SRPRA: variants seen among roughly 807,000 people sequenced by gnomAD.
SRPRA encodes signal recognition particle receptor subunit alpha.
Under a neutral mutation model 61.1 loss-of-function variants are expected in SRPRA, and 30 were observed. The observed-to-expected ratio is 0.49, with a 90% CI of 0.37 to 0.67. The LOEUF (loss-of-function observed/expected upper bound fraction) is 0.67. Ranked by LOEUF, SRPRA falls within the 30% of genes least tolerant of loss-of-function variation. The pLI is 0.00. For synonymous variants in SRPRA, 324 were observed against 299.7 expected, an observed-to-expected ratio of 1.08 and a Z score of -0.84; for missense variants, 759 against 828.4, an observed-to-expected ratio of 0.92 and a Z score of 1.03.
Position 126,266,764 on chromosome 11 carries a change from T to TG in SRPRA, c.684dup (p.Asn229GlnfsTer27). 1.2e-6 allele frequency: 2 copies of TG among 1,614,046 alleles called. No homozygotes were observed. Among genetic ancestry groups the TG allele is most frequent in the Non-Finnish European group, 1.7e-6 (2 of 1,179,954 alleles). On this transcript the variant is annotated frameshift_variant and splice_region_variant, in exon 5 of 14. Transcript: ENST00000332118. LOFTEE classifies it high-confidence loss of function. ...GAGTACTGGAGAAAGAGTGCTCACT[T>TG]GGACTTCTCCATACCCCTCCCATGC...
the SRPRA span, among the ~76,000 whole-genome samples, chr11:126,252,120 G>A: frequency 3.3e-5 from 5 of 152,016 alleles, no homozygotes; most frequent in Non-Finnish European, 7.3e-5. The surrounding 1 kb of genome is among the most constrained non-coding windows in gnomAD (Gnocchi z 4.7). Context: ...CCGAATAGCT[G>A]GGATTACAGG....
chr11:126,266,562 C>T lies in SRPRA; in HGVS notation c.754G>A (p.Gly252Ser). ...KKAPRVWELG[G>S]CANKEVLDYS... ...TCCAACACTTCTTTGTTAGCACAGC[C>T]ACCCAGTTCCCACACCCGGGGTGCT... The change falls in exon 6 of 14, where the codon GGC (glycine) becomes AGC (serine). Residue 252 changes from glycine (G) to serine (S), a missense_variant. Gly to Ser is a moderately conservative substitution (Grantham distance 56, BLOSUM62 0). Around this residue, in one of 2 missense-constraint regions of SRPRA, gnomAD observed 475 missense variants for 462.5 expected, o/e 1.03. Coordinates refer to ENST00000332118, the MANE Select transcript of SRPRA (RefSeq NM_003139.4). The T allele has an allele frequency of 2.5e-6, 4 of 1,614,182 alleles. No homozygotes were observed. Among genetic ancestry groups the T allele is most frequent in the Non-Finnish European group, 3.4e-6 (4 of 1,180,044 alleles).
At chr11:126,244,200 C>T in the SRPRA span, among the ~76,000 whole-genome samples, 1 of 152,114 alleles carries the variant, frequency 6.6e-6, no homozygotes, top group South Asian at 2.1e-4. The surrounding 1 kb of genome is among the most constrained non-coding windows in gnomAD (Gnocchi z 4.5). Context: ...GGCTGTTTTC[C>T]CACTCCACTC....
Position 126,268,849 on chromosome 11 carries a change from C to A in SRPRA, c.-45G>T. 1 of 1,491,100 alleles carries A rather than the reference C, an allele frequency of 6.7e-7. No homozygotes were observed. Among genetic ancestry groups the A allele is most frequent in the Non-Finnish European group, 9.3e-7 (1 of 1,071,680 alleles). The allele number at this position is 1,491,100 out of a possible 1,614,324, so 92.4% of individuals were successfully genotyped here. ...CTGGGGCCGGCGCCGGGAATTCAGG[C>A]CGCGTTCGCCGCCGCTTCCTGCTGC... On this transcript the variant is annotated 5_prime_UTR_variant, in exon 1 of 14. Transcript: ENST00000332118.
At position 126,263,986 on chromosome 11, in the gene SRPRA, G is replaced by A. The variant is rs1367911317; in HGVS notation, c.1847C>T (p.Thr616Ile). 1.2e-6 allele frequency: 2 copies of A among 1,614,200 alleles called. No individual in the cohort carries two copies. Among genetic ancestry groups the A allele is most frequent in the Admixed American group, 1.7e-5 (1 of 60,028 alleles). Residue 616 changes from threonine (T) to isoleucine (I), a missense_variant, in exon 14 of 14, where the codon ACC (threonine) becomes ATC (isoleucine). This residue lies in a region of SRPRA where 284 missense variants were observed against 365.9 expected (regional missense o/e 0.78). Coordinates refer to ENST00000332118, the MANE Select transcript of SRPRA (RefSeq NM_003139.4). ...ITSKPIVFVG[T>I]GQTYCDLRSL... ...GCGTAGGTCACAGTAGGTCTGGCCG[G>A]TGCCCACAAAGACGATGGGTTTGCT...
At chr11:126,248,105 C>G in the SRPRA span, among the ~76,000 whole-genome samples, 18 of 149,514 alleles carry the variant, frequency 1.2e-4, no homozygotes, top group African/African-American at 4.4e-4. Context: ...AAAATCACGC[C>G]ATTGCACTCC....
the SRPRA span, chr11:126,256,497 G>A: frequency 6.8e-7 from 1 of 1,465,226 alleles, no homozygotes; most frequent in African/African-American, 1.4e-5. This position sits in a 1 kb window ranked among gnomAD's most constrained non-coding sequence, Gnocchi z 6.6. Context: ...AACGTAGCAT[G>A]ACCTTCTTGT....
At position 126,265,788 on chromosome 11, in the gene SRPRA, A is replaced by G; in HGVS notation, c.1087T>C (p.Cys363Arg). 1 of 1,614,240 alleles carries G rather than the reference A, an allele frequency of 6.2e-7. No homozygotes were observed. The highest frequency in any genetic ancestry group is 8.5e-7 in the Non-Finnish European group (1 of 1,180,040). ...NVAADIAVQL[C>R]ESVANKLEGK... ...TCCAACTTGTTGGCAACAGATTCACAGAGCTGGACGGCAATGTCTGCAGCC... is the reference window on the plus strand; with the variant it reads ...TCCAACTTGTTGGCAACAGATTCACGGAGCTGGACGGCAATGTCTGCAGCC... Residue 363 changes from cysteine to arginine, a missense_variant, in exon 9 of 14, where the codon TGT becomes CGT. This residue lies in a region of SRPRA where 475 missense variants were observed against 462.5 expected (regional missense o/e 1.03). Transcript: ENST00000332118. The surrounding 1 kb of genome is among the most constrained non-coding windows in gnomAD (Gnocchi z 6.3).
Position 126,263,996 on chromosome 11 carries a change from A to G in SRPRA, c.1837T>C (p.Phe613Leu). Residue 613 changes from phenylalanine to leucine, a missense_variant, in exon 14 of 14, where the codon TTT (phenylalanine) becomes CTT (leucine). Phe to Leu is a conservative substitution (Grantham distance 22, BLOSUM62 0). This residue lies in a region of SRPRA where 284 missense variants were observed against 365.9 expected (regional missense o/e 0.78). Transcript: ENST00000332118. ...CAGTAGGTCTGGCCGGTGCCCACAA[A>G]GACGATGGGTTTGCTTGTGATGTAC... is the stretch of plus-strand genomic sequence containing the variant. Reference protein sequence around the residue: ...MTYITSKPIVFVGTGQTYCDL... With the variant: ...MTYITSKPIVLVGTGQTYCDL... 6.2e-6 allele frequency: 10 copies of G among 1,614,190 alleles called. No individual in the cohort carries two copies. Among genetic ancestry groups the G allele is most frequent in the Non-Finnish European group, 7.6e-6 (9 of 1,180,038 alleles).
At chr11:126,260,575 T>C (rs528052699), downstream of SRPRA, 2 of 152,202 alleles carry the variant, frequency 1.3e-5, no homozygotes, top group Non-Finnish European at 2.9e-5. Flanking sequence ...TTGTAAGTCA[T>C]GTTGTGAAAA....
Position 126,264,601 on chromosome 11 carries a change from T to G in SRPRA, c.1526-62A>C. On this transcript the variant is annotated intron_variant, in intron 11 of 13. Transcript: ENST00000332118. This position sits in a 1 kb window ranked among gnomAD's most constrained non-coding sequence, Gnocchi z 5.0. ...CTACCACTCATGCTCGTTCCCAGCTTCCTCTCAAAAAGTCCTAGTTTGACT... is the reference window on the plus strand; with the variant it reads ...CTACCACTCATGCTCGTTCCCAGCTGCCTCTCAAAAAGTCCTAGTTTGACT... 2 of 1,579,232 alleles carry G rather than the reference T, an allele frequency of 1.3e-6. No individual in the cohort carries two copies. Among genetic ancestry groups the G allele is most frequent in the Non-Finnish European group, 1.7e-6 (2 of 1,162,292 alleles).
In SRPRA at chr11:126,265,402, G is replaced by A. The variant is rs189596914; in HGVS notation, c.1177C>T (p.Leu393=). ...STVKQALQES[L]VQILQPQRRV... is the part of the protein sequence containing the mutation. Reference sequence around the variant, plus strand: ...CGCTGTGGCTGCAGAATCTGCACCAGGGACTCCTGTAGGGCTTGCTTTACT... The same window carrying A: ...CGCTGTGGCTGCAGAATCTGCACCAAGGACTCCTGTAGGGCTTGCTTTACT... Residue 393 remains leucine, a synonymous_variant, in exon 10 of 14, where the codon CTG becomes TTG. Transcript: ENST00000332118. This position sits in a 1 kb window ranked among gnomAD's most constrained non-coding sequence, Gnocchi z 6.3. 25 of 1,613,934 alleles carry A rather than the reference G, an allele frequency of 1.5e-5. No individual in the cohort carries two copies. In the Admixed American group the frequency reaches 3.5e-4, roughly 23 times the overall value.
chr11:126,266,808 C>A lies in SRPRA; in HGVS notation c.641G>T (p.Arg214Leu), dbSNP rs376834097. 2.5e-6 allele frequency: 4 copies of A among 1,614,158 alleles called. No individual in the cohort carries two copies. The highest frequency in any genetic ancestry group is 1.1e-5 in the South Asian group (1 of 91,084). ...CCCATGCTTCTGAATGAACTCCTCG[C>A]GCTTCCTGCGGATCAGCTCCTCTTT... ...LSKEELIRRK[R>L]EEFIQKHGRG... The change falls in exon 5 of 14, where the codon CGC becomes CTC. Residue 214 changes from arginine (R) to leucine (L), a missense_variant. This residue lies in a region of SRPRA where 475 missense variants were observed against 462.5 expected (regional missense o/e 1.03). Transcript: ENST00000332118.
chr11:126,266,156 A>G (rs1044747032), intron 7 of SRPRA, 31 bp downstream of exon 7: 1 of 1,613,320 alleles, frequency 6.2e-7, no homozygotes, highest in African/African-American at 1.3e-5. Context: ...TTGCAGATGC[A>G]TATACCAACC....
chr11:126,266,126 G>A lies in SRPRA; in HGVS notation c.933-45C>T, dbSNP rs1177762445. On this transcript the variant is annotated intron_variant, in intron 7 of 13. Transcript: ENST00000332118. ...CACATACACATAAAACCAGTAGGCAGGAGTTGTATCTTACCAGTTTTGCAG... is the reference window on the plus strand; with the variant it reads ...CACATACACATAAAACCAGTAGGCAAGAGTTGTATCTTACCAGTTTTGCAG... 5.6e-6 allele frequency: 9 copies of A among 1,612,556 alleles called. No individual in the cohort carries two copies. In the South Asian group the frequency reaches 9.9e-5, roughly 18 times the overall value.
At chr11:126,252,420 C>T in the SRPRA span, among the ~76,000 whole-genome samples, 5 of 152,266 alleles carry the variant, frequency 3.3e-5, no homozygotes, top group East Asian at 9.6e-4. This position sits in a 1 kb window ranked among gnomAD's most constrained non-coding sequence, Gnocchi z 4.7. Flanking sequence ...TCAAATATGA[C>T]AGTTAGGTGC....
At chr11:126,266,671 G>C in intron 5 of SRPRA, 42 bp from the exon 6 acceptor site, 1 of 1,609,128 alleles carries the variant, frequency 6.2e-7, no homozygotes, top group Non-Finnish European at 8.5e-7. Flanking sequence ...TGGAGAAGTA[G>C]GAAAGGAAAC....
rs1232944148 is a variant in SRPRA at position 126,266,778 on chromosome 11, C to T, written c.671G>A (p.Gly224Asp). The T allele has an allele frequency of 7.4e-6, 12 of 1,613,988 alleles. No individual in the cohort carries two copies. The East Asian group carries it at 1.1e-4, about 15-fold the overall frequency. ...REEFIQKHGRGMEKSNKSTKS... is the reference protein window; with the variant it reads ...REEFIQKHGRDMEKSNKSTKS... ...GAGTGCTCACTTGGACTTCTCCATACCCCTCCCATGCTTCTGAATGAACTC... is the reference window on the plus strand; with the variant it reads ...GAGTGCTCACTTGGACTTCTCCATATCCCTCCCATGCTTCTGAATGAACTC... Residue 224 changes from glycine (G) to aspartate (D), a missense_variant, in exon 5 of 14, where the codon GGT becomes GAT. By Grantham distance (94) the Gly-to-Asp change is moderately conservative. Coordinates refer to ENST00000332118, the MANE Select transcript of SRPRA (RefSeq NM_003139.4).
At chr11:126,261,943 T>C (rs1049356421), downstream of SRPRA, among the ~76,000 whole-genome samples, 1 of 152,210 alleles carries the variant, frequency 6.6e-6, no homozygotes, top group Non-Finnish European at 1.5e-5. Flanking sequence ...CATTTGAGCC[T>C]GGGTGACAAA....
Sources: gnomAD v4.1 joint callset for allele counts (sites outside exome capture counted in the v4.1 genomes callset) on GRCh38, gnomAD v4.1.1 for gene constraint, gnomAD v4.1.1 regional missense constraint, Gnocchi (gnomAD v3.1) non-coding constraint, MANE v1.5 for transcripts, NCBI Gene and HGNC (gene_info 2026-07-23, HGNC 2026-07-21) for gene names.